SPMIP4: variants seen among roughly 807,000 people sequenced by gnomAD.
SPMIP4 encodes sperm microtubule inner protein 4.
chr7:25,158,753 A>C, the SPMIP4 span, among the ~76,000 whole-genome samples: 1 of 151,346 alleles, frequency 6.6e-6, no homozygotes, highest in Non-Finnish European at 1.5e-5. Context: ...CCAAAAATAC[A>C]AAAAAAATTA....
the SPMIP4 span, among the ~76,000 whole-genome samples, chr7:25,178,481 G>A: frequency 1.3e-5 from 2 of 152,218 alleles, no homozygotes; most frequent in Non-Finnish European, 2.9e-5. Context: ...ATTTACACAA[G>A]TATAAGCAGC....
chr7:25,136,020 C>T, the SPMIP4 span: 2 of 1,612,678 alleles, frequency 1.2e-6, no homozygotes, highest in Non-Finnish European at 1.7e-6. The surrounding 1 kb of genome is among the most constrained non-coding windows in gnomAD (Gnocchi z 5.7). Context: ...GGTGCTTCAT[C>T]CCCGAATGCT....
At chr7:25,172,297 T>C in the SPMIP4 span, among the ~76,000 whole-genome samples, 1 of 152,018 alleles carries the variant, frequency 6.6e-6, no homozygotes, top group African/African-American at 2.4e-5. This position sits in a 1 kb window ranked among gnomAD's most constrained non-coding sequence, Gnocchi z 4.2. Flanking sequence ...TTGTTTGCTC[T>C]TGAAAGAGGG....
At chr7:25,146,174 G>A in the SPMIP4 span, among the ~76,000 whole-genome samples, 3 of 152,192 alleles carry the variant, frequency 2.0e-5, no homozygotes, top group African/African-American at 4.8e-5. Flanking sequence ...TGGAGAGAGG[G>A]AGCAAATGAG....
At chr7:25,177,576 T>C in the SPMIP4 span, among the ~76,000 whole-genome samples, 4 of 152,220 alleles carry the variant, frequency 2.6e-5, no homozygotes, top group African/African-American at 9.6e-5. Flanking sequence ...TGTTTTTTCC[T>C]TTTCCTTTTC....
the SPMIP4 span, among the ~76,000 whole-genome samples, chr7:25,177,210 G>A: frequency 4.1e-4 from 63 of 152,292 alleles, no homozygotes; most frequent in Non-Finnish European, 5.7e-4. Context: ...GTGACTTCCC[G>A]TCTGGTTTCC....
At chr7:25,172,558 G>T in the SPMIP4 span, among the ~76,000 whole-genome samples, 1 of 152,212 alleles carries the variant, frequency 6.6e-6, no homozygotes, top group African/African-American at 2.4e-5. This position sits in a 1 kb window ranked among gnomAD's most constrained non-coding sequence, Gnocchi z 4.2. Context: ...TGCTCTGCAT[G>T]GACAAGGTCC....
At chr7:25,172,293 G>T in the SPMIP4 span, among the ~76,000 whole-genome samples, 9 of 152,164 alleles carry the variant, frequency 5.9e-5, no homozygotes, top group African/African-American at 2.2e-4. This position sits in a 1 kb window ranked among gnomAD's most constrained non-coding sequence, Gnocchi z 4.2. Context: ...TTGTTTGTTT[G>T]CTCTTGAAAG....
At chr7:25,125,872 C>G in the SPMIP4 span, 5 of 980,550 alleles carry the variant, frequency 5.1e-6, no homozygotes, top group Non-Finnish European at 6.1e-6. Flanking sequence ...CTAGTTCCAC[C>G]TATACTCTGT....
At chr7:25,158,368 C>CAAAAAA in the SPMIP4 span, 164 of 302,012 alleles carry the variant, frequency 5.4e-4, no homozygotes, top group South Asian at 9.8e-4. Context: ...GACTCTGTCT[C>CAAAAAA]AAAAAAAAAA....
At chr7:25,153,485 T>A in the SPMIP4 span, among the ~76,000 whole-genome samples, 2 of 150,696 alleles carry the variant, frequency 1.3e-5, no homozygotes, top group Non-Finnish European at 2.9e-5. Context: ...GGCAGGAGAA[T>A]CACTTGGACC....
the SPMIP4 span, among the ~76,000 whole-genome samples, chr7:25,137,410 G>A: frequency 0.6 from 90,452 of 151,354 alleles, 28,235 homozygotes; most frequent in Non-Finnish European, 0.69. Flanking sequence ...CGAACCTCAT[G>A]AAACAAGTTG....
the SPMIP4 span, among the ~76,000 whole-genome samples, chr7:25,178,708 A>G: frequency 0.022 from 3,363 of 152,272 alleles, 70 homozygotes; most frequent in Non-Finnish European, 0.029. Context: ...GAAGGTTCAG[A>G]TAATTGCCAC....
the SPMIP4 span, chr7:25,142,372 C>T: frequency 1.1e-4 from 156 of 1,396,154 alleles, 5 homozygotes; most frequent in South Asian, 1.5e-3. Flanking sequence ...TTAGGGTAAA[C>T]GAAGAACGAC....
chr7:25,179,143 T>A, the SPMIP4 span: 8 of 1,575,556 alleles, frequency 5.1e-6, no homozygotes, highest in Non-Finnish European at 6.9e-6. Context: ...AAACTGCTTT[T>A]TCTTGTTTGC....
the SPMIP4 span, among the ~76,000 whole-genome samples, chr7:25,158,288 A>G: frequency 6.7e-6 from 1 of 148,528 alleles, no homozygotes; most frequent in African/African-American, 2.5e-5. Context: ...GGATCACCTC[A>G]TCCCAGGGAG....
the SPMIP4 span, chr7:25,142,746 G>C: frequency 3.1e-6 from 5 of 1,601,398 alleles, no homozygotes. Flanking sequence ...TTAAAGAAGT[G>C]TTAGGAGCGA....
the SPMIP4 span, among the ~76,000 whole-genome samples, chr7:25,158,191 G>T: frequency 4.0e-5 from 6 of 149,486 alleles, no homozygotes; most frequent in Non-Finnish European, 9.0e-5. Flanking sequence ...AACATAGCAA[G>T]AACCCATCTC....
the SPMIP4 span, among the ~76,000 whole-genome samples, chr7:25,137,549 T>C: frequency 6.6e-6 from 1 of 152,126 alleles, no homozygotes; most frequent in Non-Finnish European, 1.5e-5. Context: ...TGGTTTCTTC[T>C]GAGGGTTGTG....
Sources: gnomAD v4.1 joint callset for allele counts (sites outside exome capture counted in the v4.1 genomes callset) on GRCh38, gnomAD v4.1.1 for gene constraint, Gnocchi (gnomAD v3.1) non-coding constraint, MANE v1.5 for transcripts, NCBI Gene and HGNC (gene_info 2026-07-23, HGNC 2026-07-21) for gene names.